Variants in ZNF329 observed in about 807,000 individuals in gnomAD.
ZNF329 encodes the protein zinc finger protein 329.
In ZNF329, 15 loss-of-function variants were observed where a neutral mutation model predicts 26.6. That is an observed-to-expected ratio of 0.56 (90% CI 0.38 to 0.87). The LOEUF is 0.87. ZNF329 is among the 40% of genes least tolerant of loss of function. The probability of loss-of-function intolerance (pLI) is 0.00; values close to 1 mark genes in which losing one functional copy is unlikely to be tolerated. For synonymous variants in ZNF329, 239 were observed against 233.5 expected (o/e 1.02, Z -0.21); for missense variants, 651 against 651.9 (o/e 1.00, Z 0.02).
chr19:58,143,009 G>C (rs1356442622), intron 2 of ZNF329, 96 bp downstream of exon 2: 1 of 152,568 alleles, frequency 6.6e-6, no homozygotes, highest in Non-Finnish European at 1.5e-5. Flanking sequence ...CCAGCACTTT[G>C]GGAGGTTGAG....
At chr19:58,147,348 C>T (rs1166738589) in intron 1 of ZNF329, among the ~76,000 whole-genome samples, 7 of 146,792 alleles carry the variant, frequency 4.8e-5, no homozygotes, top group Admixed American at 2.7e-4. Context: ...GGAGCCCCTC[C>T]GCCCGGCAGC....
chr19:58,139,719 T>C (rs1180761733), intron 3 of ZNF329, among the ~76,000 whole-genome samples: 1 of 151,958 alleles, frequency 6.6e-6, no homozygotes, highest in Non-Finnish European at 1.5e-5. Context: ...CCCATAGGAG[T>C]TCTGAATAGA....
rs749321833 is a variant in ZNF329, at chr19:58,128,489, C to A, written c.1015G>T (p.Gly339Cys). The A allele has an allele frequency of 6.2e-7, 1 of 1,613,760 alleles. No individual in the cohort carries two copies. The highest frequency in any genetic ancestry group is 1.3e-5 in the African/African-American group (1 of 75,034). Reference protein sequence around the residue: ...HLTVHLRIHTGEKPYECSKCG... With the variant: ...HLTVHLRIHTCEKPYECSKCG... ...TTGCTACACTCATAGGGCTTCTCAC[C>A]GGTGTGGATTCTGAGATGCACTGTA... Residue 339 changes from glycine to cysteine, a missense_variant, in exon 4 of 4, where the codon GGT (glycine) becomes TGT (cysteine). Transcript: ENST00000598312.
chr19:58,150,441 G>C (rs1445490855), intron 1 of ZNF329, among the ~76,000 whole-genome samples: 1 of 152,226 alleles, frequency 6.6e-6, no homozygotes, highest in South Asian at 2.1e-4. Flanking sequence ...GGGAGGGCGG[G>C]CTAGAGATGC....
chr19:58,137,351 C>T lies in ZNF329; in HGVS notation c.-9+5206G>A, dbSNP rs538861538. Among the ~76,000 whole-genome samples, 12 of 151,784 alleles carry T rather than the reference C, an allele frequency of 7.9e-5. No homozygotes were observed. The South Asian group carries it at 2.5e-3, about 32-fold the overall frequency. On this transcript the variant is annotated intron_variant, in intron 3 of 3. Transcript: ENST00000598312. ...GGTGGATCACCTGAGGTCAGGCATTCGAGACCAGCCTGATCAACAAGGTGA... is the reference window on the plus strand; with the variant it reads ...GGTGGATCACCTGAGGTCAGGCATTTGAGACCAGCCTGATCAACAAGGTGA...
At chr19:58,144,149 T>C (rs1358522245) in intron 1 of ZNF329, among the ~76,000 whole-genome samples, 2 of 151,720 alleles carry the variant, frequency 1.3e-5, no homozygotes, top group Non-Finnish European at 1.5e-5. Context: ...TAGAAAAAAA[T>C]TGTGGGTTTT....
chr19:58,129,067 G>A lies in ZNF329; in HGVS notation c.437C>T (p.Pro146Leu), dbSNP rs1289045113. The A allele has an allele frequency of 6.2e-7, 1 of 1,613,884 alleles. No homozygotes were observed. The highest frequency in any genetic ancestry group is 8.5e-7 in the Non-Finnish European group (1 of 1,180,004). Residue 146 changes from proline (P) to leucine (L), a missense_variant, in exon 4 of 4, where the codon CCC becomes CTC. Physicochemically the swap from Pro to Leu is moderately conservative, Grantham distance 98. Transcript: ENST00000598312. ...IHGRNPVREK[P>L]YKYPESVKSF... is the part of the protein sequence containing the mutation. ...CTTAACACTTTCAGGGTATTTGTAG[G>A]GCTTCTCTCTCACTGGATTTCTTCC...
chr19:58,146,935 C>T (rs2075324771), intron 1 of ZNF329, among the ~76,000 whole-genome samples: 1 of 152,154 alleles, frequency 6.6e-6, no homozygotes, highest in African/African-American at 2.4e-5. Flanking sequence ...CCTTGGCCTC[C>T]CAAAGTGCCG....
chr19:58,153,189 A>C (rs1445763106), upstream of ZNF329, among the ~76,000 whole-genome samples: 3 of 152,126 alleles, frequency 2.0e-5, no homozygotes, highest in Non-Finnish European at 4.4e-5. Flanking sequence ...AGCTCACTGC[A>C]ACCTCCACCT....
intron 3 of ZNF329, among the ~76,000 whole-genome samples, chr19:58,131,145 G>GTGTGTGTGTGTGTGC (rs1555806917): frequency 1.2e-4 from 18 of 151,900 alleles, no homozygotes; most frequent in African/African-American, 4.4e-4. Flanking sequence ...GTGTGTGCGC[G>GTGTGTGTGTGTGTGC]TGTATTTACA....
chr19:58,144,693 ATTTTTTTT>A (rs34490866), intron 1 of ZNF329, among the ~76,000 whole-genome samples: 2 of 127,656 alleles, frequency 1.6e-5, no homozygotes, highest in Admixed American at 8.1e-5. Flanking sequence ...CCAGCCAAGA[ATTTTTTTT>A]TTTTTTTTTT....
rs1410766039 is a variant in ZNF329, at chr19:58,150,737, T to C, written c.-208+15A>G. ...ACGGAGGCAGCGCAGGGCTCAGGGA[T>C]GCGTCGGCACTTACGGTTGGCGGCC... On this transcript the variant is annotated intron_variant, in intron 1 of 3. Coordinates refer to ENST00000598312, the MANE Select transcript of ZNF329 (RefSeq NM_024620.4). The C allele has an allele frequency of 6.5e-6, 1 of 152,720 alleles. No homozygotes were observed. The highest frequency in any genetic ancestry group is 2.4e-5 in the African/African-American group (1 of 41,466). 9.5% of individuals were successfully genotyped at this position (152,720 alleles called of 1,614,324 possible).
intron 3 of ZNF329, among the ~76,000 whole-genome samples, chr19:58,136,193 T>C (rs934724549): frequency 1.5e-4 from 22 of 149,762 alleles, no homozygotes; most frequent in African/African-American, 5.4e-4. Flanking sequence ...ATCATGCCAC[T>C]GACTCCAGTC....
chr19:58,144,005 C>T (rs185354004), intron 1 of ZNF329, among the ~76,000 whole-genome samples: 1,795 of 151,624 alleles, frequency 0.012, 15 homozygotes, highest in Non-Finnish European at 0.018. Flanking sequence ...TGCTGGAACC[C>T]GGGAGGCAGA....
chr19:58,137,014 A>T, intron 3 of ZNF329: 1 of 193,176 alleles, frequency 5.2e-6, no homozygotes, highest in Admixed American at 4.6e-5. Flanking sequence ...ACTAGAAAGA[A>T]GATTCAGGAG....
rs1450370949 is a variant in ZNF329 at position 58,148,324 on chromosome 19, C to T, written c.-208+2428G>A. The stretch of plus-strand genomic sequence containing the variant: ...TGTTCACTTATTTATCTGCTGACCT[C>T]CCCTCCACTATTGTCCTATGACCCT... On this transcript the variant is annotated intron_variant, in intron 1 of 3. Coordinates refer to ENST00000598312, the MANE Select transcript of ZNF329 (RefSeq NM_024620.4). 9.8e-3 allele frequency among the ~76,000 whole-genome samples: 1,419 copies of T among 144,282 alleles called. 17 individuals carry two copies. The highest frequency in any genetic ancestry group is 0.038 in the African/African-American group (1,315 of 34,506). 94.7% of individuals were successfully genotyped at this position (144,282 alleles called of 152,430 possible). A position where few individuals can be genotyped will look rare whatever the true frequency, so the allele number is the denominator to read the frequency against.
intron 1 of ZNF329, among the ~76,000 whole-genome samples, chr19:58,148,126 T>G (rs1284843445): frequency 6.6e-6 from 1 of 151,882 alleles, no homozygotes; most frequent in Non-Finnish European, 1.5e-5. Flanking sequence ...ATGTGCTGTG[T>G]CCACTCAGGG....
At chr19:58,135,453 G>C (rs1027934830) in intron 3 of ZNF329, among the ~76,000 whole-genome samples, 2 of 152,038 alleles carry the variant, frequency 1.3e-5, no homozygotes, top group Non-Finnish European at 2.9e-5. Flanking sequence ...TTTTAGTAGA[G>C]ACAGGTTTCA....
At position 58,128,453 on chromosome 19, in the gene ZNF329, C is replaced by G; in HGVS notation, c.1051G>C (p.Ala351Pro). Reference protein sequence around the residue: ...KPYECSKCGKAFRDGSYLTQH... With the variant: ...KPYECSKCGKPFRDGSYLTQH... ...GTGAGGTACGAGCCGTCCCGGAAAG[C>G]CTTTCCACATTTGCTACACTCATAG... Residue 351 changes from alanine to proline, a missense_variant, in exon 4 of 4, where the codon GCT becomes CCT. Ala to Pro is a conservative substitution (Grantham distance 27). Transcript: ENST00000598312. 4 of 1,613,240 alleles carry G rather than the reference C, an allele frequency of 2.5e-6. No individual in the cohort carries two copies. Among genetic ancestry groups the G allele is most frequent in the South Asian group, 1.1e-5 (1 of 91,020 alleles).
Sources: allele counts gnomAD v4.1 joint callset (sites outside exome capture counted in the v4.1 genomes callset), GRCh38; gene constraint gnomAD v4.1.1; transcripts MANE v1.5; gene names NCBI Gene and HGNC (gene_info 2026-07-23, HGNC 2026-07-21).